Variants in NOL4L observed in about 807,000 individuals in gnomAD.
The protein encoded by NOL4L is nucleolar protein 4 like.
In NOL4L, 7 loss-of-function variants were observed where a neutral mutation model predicts 64.5. The ratio of observed to expected loss-of-function variants is 0.11; its 90% CI spans 0.06 to 0.20. The LOEUF is 0.20. Ranked by LOEUF, NOL4L falls within the 10% of genes least tolerant of loss-of-function variation. The probability of loss-of-function intolerance (pLI) is 1.00; values close to 1 mark genes in which losing one functional copy is unlikely to be tolerated. For missense variants in NOL4L, 680 were observed against 967.1 expected, an observed-to-expected ratio of 0.70 and a Z score of 3.94; for synonymous variants, 413 against 401.0, an observed-to-expected ratio of 1.03 and a Z score of -0.36.
rs1179442075 is a variant in NOL4L at position 32,520,803 on chromosome 20, C to G, written c.589+8G>C. The G allele has an allele frequency of 1.3e-6, 2 of 1,534,454 alleles. No homozygotes were observed. Among genetic ancestry groups the G allele is most frequent in the African/African-American group, 1.4e-5 (1 of 72,840 alleles). ...CGCCCTAGCCCTCCAGCACGCCACC[C>G]CTGCTACCTTTGGGTTCCAGGCCAT... On this transcript the variant is annotated splice_region_variant and intron_variant, in intron 3 of 10. Coordinates refer to ENST00000621426, the MANE Select transcript of NOL4L (RefSeq NM_001256798.2).
At chr20:32,552,847 T>C (rs1040073190) in intron 1 of NOL4L, among the ~76,000 whole-genome samples, 1 of 152,000 alleles carries the variant, frequency 6.6e-6, no homozygotes, top group Non-Finnish European at 1.5e-5. Flanking sequence ...TACTGAAATA[T>C]ACAAAAATTA....
chr20:32,527,480 G>C (rs1275259193), intron 2 of NOL4L, among the ~76,000 whole-genome samples: 1 of 152,112 alleles, frequency 6.6e-6, no homozygotes, highest in Admixed American at 6.5e-5. Context: ...CAGAAACGGG[G>C]AAGAGGAGGG....
chr20:32,490,062 G>A (rs1472710000), intron 4 of NOL4L, among the ~76,000 whole-genome samples: 1 of 143,972 alleles, frequency 6.9e-6, no homozygotes, highest in Non-Finnish European at 1.5e-5. Context: ...CCAGGAAGGG[G>A]AGGCTGCAGT....
chr20:32,500,534 C>CTAGAGACATGTTT (rs1568661344), intron 4 of NOL4L, among the ~76,000 whole-genome samples: 1 of 109,220 alleles, frequency 9.2e-6, no homozygotes, highest in Non-Finnish European at 1.8e-5. Flanking sequence ...TTTTGTATTT[C>CTAGAGACATGTTT]TTTCTTTTTT....
At chr20:32,554,194 G>GCA (rs758570201) in intron 1 of NOL4L, among the ~76,000 whole-genome samples, 464 of 152,018 alleles carry the variant, frequency 3.1e-3, no homozygotes, top group Non-Finnish European at 4.6e-3. Flanking sequence ...GGTGGCAGGT[G>GCA]CCTGTAGTCC....
chr20:32,501,776 G>GA (rs2016931872), intron 4 of NOL4L, among the ~76,000 whole-genome samples: 1 of 151,962 alleles, frequency 6.6e-6, no homozygotes, highest in Non-Finnish European at 1.5e-5. Flanking sequence ...GCGATTTGAA[G>GA]AAAAAATTGA....
At position 32,453,367 on chromosome 20, in the gene NOL4L, G is replaced by A. The variant is rs748306216; in HGVS notation, c.1434C>T (p.Ala478=). ...TGAGGTACGTGCGGATGCGCTTGCGGGCCCGCTCCTGGAACTCAGGGAACT... is the reference window on the plus strand; with the variant it reads ...TGAGGTACGTGCGGATGCGCTTGCGAGCCCGCTCCTGGAACTCAGGGAACT... ...SRQFPEFQER[A]RKRIRTYLKS... Residue 478 remains alanine, a synonymous_variant, in exon 8 of 11, where the codon GCC becomes GCT. Transcript: ENST00000621426. The surrounding 1 kb of genome is among the most constrained non-coding windows in gnomAD (Gnocchi z 5.6). 6.2e-6 allele frequency: 10 copies of A among 1,614,116 alleles called. No individual in the cohort carries two copies. In the South Asian group the frequency reaches 1.1e-4, roughly 18 times the overall value.
chr20:32,449,819 T>G (rs1029785549), intron 10 of NOL4L: 3 of 152,266 alleles, frequency 2.0e-5, no homozygotes, highest in African/African-American at 7.2e-5. Context: ...TCTAGGGTGG[T>G]TCTGGTCCCC....
At chr20:32,472,731 C>A (rs911002584) in intron 5 of NOL4L, among the ~76,000 whole-genome samples, 1 of 152,118 alleles carries the variant, frequency 6.6e-6, no homozygotes, top group Non-Finnish European at 1.5e-5. Flanking sequence ...CTGTGCCCTG[C>A]CCAGGGTCTC....
chr20:32,461,715 CCCAGCCCCCTCTAACACAG>C (rs2014084704), intron 5 of NOL4L, among the ~76,000 whole-genome samples: 1 of 151,198 alleles, frequency 6.6e-6, no homozygotes, highest in Non-Finnish European at 1.5e-5. Flanking sequence ...AGCCACTGCG[CCCAGCCCCCTCTAACACAG>C]TAGTATTGCA....
At chr20:32,479,426 C>T (rs550572726) in intron 4 of NOL4L, among the ~76,000 whole-genome samples, 2 of 152,302 alleles carry the variant, frequency 1.3e-5, no homozygotes, top group South Asian at 2.1e-4. Flanking sequence ...TTCAACAAAA[C>T]TTACATTAGA....
chr20:32,456,399 G>C lies in NOL4L; in HGVS notation c.842-4C>G. The C allele has an allele frequency of 6.8e-7, 1 of 1,460,180 alleles. No homozygotes were observed. The highest frequency in any genetic ancestry group is 9.1e-7 in the Non-Finnish European group (1 of 1,103,224). The allele number at this position is 1,460,180 out of a possible 1,614,324, so 90.5% of individuals were successfully genotyped here. ...CCACTCTCAGAGGAGGAGTCATCTG[G>C]AATGAGAGGCCTGGGTGTGAGGCCC... is the stretch of plus-strand genomic sequence containing the variant. On this transcript the variant is annotated splice_region_variant and splice_polypyrimidine_tract_variant and intron_variant, in intron 5 of 10. Coordinates refer to ENST00000621426, the MANE Select transcript of NOL4L (RefSeq NM_001256798.2).
chr20:32,511,104 C>T (rs2017382471), intron 4 of NOL4L: 2 of 375,126 alleles, frequency 5.3e-6, no homozygotes, highest in South Asian at 5.9e-5. Flanking sequence ...CTCCCACGAG[C>T]CCACCCAAGG....
chr20:32,537,062 C>A (rs1452736369), intron 1 of NOL4L: 2 of 983,466 alleles, frequency 2.0e-6, no homozygotes, highest in Non-Finnish European at 2.4e-6. Context: ...CCCTGCCCCG[C>A]CCCCCCGGGA....
chr20:32,486,232 G>A (rs186381926), intron 4 of NOL4L, among the ~76,000 whole-genome samples: 1 of 152,138 alleles, frequency 6.6e-6, no homozygotes, highest in Non-Finnish European at 1.5e-5. Flanking sequence ...CAGTGTCCTT[G>A]TGCCACTCCC....
At chr20:32,496,445 C>T (rs1407726210) in intron 4 of NOL4L, among the ~76,000 whole-genome samples, 2 of 152,098 alleles carry the variant, frequency 1.3e-5, no homozygotes, top group African/African-American at 2.4e-5. Flanking sequence ...GGGATGGGTA[C>T]CTTATCTGTC....
chr20:32,573,631 G>A (rs183305675), intron 1 of NOL4L: 569 of 215,670 alleles, frequency 2.6e-3, no homozygotes, highest in Non-Finnish European at 3.9e-3. Flanking sequence ...CCATTTTACA[G>A]ATGAGGAAAC....
In NOL4L at chr20:32,521,542, C is replaced by A. The variant is rs367881467; in HGVS notation, c.478-620G>T. On this transcript the variant is annotated intron_variant, in intron 2 of 10. Transcript: ENST00000621426. The stretch of plus-strand genomic sequence containing the variant: ...GTCACAAGGAATTTTCAAGGCAGTG[C>A]CAGACTAAACCCCATGTTCCAGGTC... Among the ~76,000 whole-genome samples, 5 of 152,268 alleles carry A rather than the reference C, an allele frequency of 3.3e-5. No individual in the cohort carries two copies. The East Asian group carries it at 9.7e-4, about 29-fold the overall frequency.
At chr20:32,516,302 C>G (rs566592829) in intron 3 of NOL4L, among the ~76,000 whole-genome samples, 1 of 152,100 alleles carries the variant, frequency 6.6e-6, no homozygotes, top group Non-Finnish European at 1.5e-5. Flanking sequence ...AAAAAATCTC[C>G]TTCCTGGGGA....
Sources: gnomAD v4.1 joint callset for allele counts (sites outside exome capture counted in the v4.1 genomes callset) on GRCh38, gnomAD v4.1.1 for gene constraint, Gnocchi (gnomAD v3.1) non-coding constraint, MANE v1.5 for transcripts, NCBI Gene and HGNC (gene_info 2026-07-23, HGNC 2026-07-21) for gene names.